The following DAAM2 variants were observed in gnomAD, a reference collection of about 807,000 sequenced individuals.
The protein encoded by DAAM2 is dishevelled associated activator of morphogenesis 2, also known as disheveled-associated activator of morphogenesis 2.
A neutral mutation model predicts 120.7 loss-of-function variants in DAAM2; 39 were observed. The ratio of observed to expected loss-of-function variants is 0.32; its 90% CI spans 0.25 to 0.42. DAAM2 has a LOEUF of 0.42. Ranked by LOEUF, DAAM2 falls within the 10% of genes least tolerant of loss-of-function variation. DAAM2 has a pLI of 1.00. For missense variants in DAAM2, 1,283 were observed against 1,401.7 expected, an observed-to-expected ratio of 0.92 and a Z score of 1.35; for synonymous variants, 488 against 524.9, an observed-to-expected ratio of 0.93 and a Z score of 0.96.
intron 1 of DAAM2, among the ~76,000 whole-genome samples, chr6:39,843,254 A>AT (rs1219983347): frequency 2.0e-5 from 3 of 152,160 alleles, no homozygotes; most frequent in African/African-American, 7.2e-5. Flanking sequence ...GCAATGGTGC[A>AT]TTTAAGGAGG....
chr6:39,816,756 A>G (rs1030987677), intron 1 of DAAM2, among the ~76,000 whole-genome samples: 2 of 152,124 alleles, frequency 1.3e-5, no homozygotes, highest in Non-Finnish European at 2.9e-5. Context: ...AATCATCAAC[A>G]CTTTGTGACT....
intron 1 of DAAM2, among the ~76,000 whole-genome samples, chr6:39,804,552 G>GTGTA (rs751842604): frequency 2.7e-5 from 4 of 150,836 alleles, no homozygotes; most frequent in Admixed American, 2.0e-4. Context: ...GTGTGTGTGT[G>GTGTA]TATGCATGCA....
In DAAM2 at chr6:39,873,359, A is replaced by G; in HGVS notation, c.1162+4A>G. On this transcript the variant is annotated splice_donor_region_variant and intron_variant, in intron 10 of 24. Transcript: ENST00000274867. The stretch of plus-strand genomic sequence containing the variant: ...CACCACTGCCTGCAGATGCCCTGTA[A>G]GTACCCTGCACTTGCTGCTTCCCTC... The G allele has an allele frequency of 6.3e-7, 1 of 1,594,776 alleles. No homozygotes were observed. Among genetic ancestry groups the G allele is most frequent in the Non-Finnish European group, 8.6e-7 (1 of 1,163,746 alleles).
chr6:39,799,905 T>C (rs1761809873), intron 1 of DAAM2, among the ~76,000 whole-genome samples: 1 of 152,230 alleles, frequency 6.6e-6, no homozygotes, highest in African/African-American at 2.4e-5. Flanking sequence ...TACTGGTGTG[T>C]ATACAGGATG....
At chr6:39,828,319 TG>T (rs1762751333) in intron 1 of DAAM2, among the ~76,000 whole-genome samples, 1 of 152,012 alleles carries the variant, frequency 6.6e-6, no homozygotes, top group Admixed American at 6.5e-5. Context: ...GCTCCTAAGG[TG>T]GTGTTTTGTT....
At position 39,901,798 on chromosome 6, in the gene DAAM2, GC is replaced by G. The variant is rs748162304; in HGVS notation, c.2983-9del. 23 of 1,512,572 alleles carry G rather than the reference GC, an allele frequency of 1.5e-5. No individual in the cohort carries two copies. The highest frequency in any genetic ancestry group is 5.3e-5 in the South Asian group (4 of 76,106). 93.7% of individuals were successfully genotyped at this position (1,512,572 alleles called of 1,614,324 possible). ...CTCCCTGAGAGGGTTCCTATCTTTG[GC>G]CCCCCGCCCGCAGCTGAAGGAGCAG... On this transcript the variant is annotated splice_polypyrimidine_tract_variant and intron_variant, in intron 24 of 24. Coordinates refer to ENST00000274867, the MANE Select transcript of DAAM2 (RefSeq NM_001201427.2). The surrounding 1 kb of genome is among the most constrained non-coding windows in gnomAD (Gnocchi z 4.5).
chr6:39,806,084 G>A (rs1431876481), intron 1 of DAAM2, among the ~76,000 whole-genome samples: 5 of 152,128 alleles, frequency 3.3e-5, no homozygotes, highest in Admixed American at 6.5e-5. Context: ...AGAGACAGGG[G>A]ACATATAGAT....
Position 39,808,795 on chromosome 6 carries a change from A to G in DAAM2, c.-57+16330A>G, listed in dbSNP as rs139849215. Among the ~76,000 whole-genome samples, 922 of 152,244 alleles carry G rather than the reference A, an allele frequency of 6.1e-3. 14 individuals are homozygous for G. The highest frequency in any genetic ancestry group is 8.7e-3 in the Non-Finnish European group (589 of 68,000). On this transcript the variant is annotated intron_variant, in intron 1 of 24. Transcript: ENST00000274867. ...TCAGTTCAGCAGCAGTGAACCCCTTATCGGGTTGGCGTGGTGCTTGCACTG... is the reference window on the plus strand; with the variant it reads ...TCAGTTCAGCAGCAGTGAACCCCTTGTCGGGTTGGCGTGGTGCTTGCACTG...
chr6:39,816,445 T>C (rs1380008688), intron 1 of DAAM2, among the ~76,000 whole-genome samples: 2 of 152,188 alleles, frequency 1.3e-5, no homozygotes, highest in African/African-American at 4.8e-5. Context: ...AGGAGGCTTA[T>C]TAACACCCCG....
intron 11 of DAAM2, 32 bp downstream of exon 11, chr6:39,875,500 C>A: frequency 6.3e-7 from 1 of 1,598,718 alleles, no homozygotes; most frequent in Non-Finnish European, 8.5e-7. Flanking sequence ...CCCTGTCTTC[C>A]TCCACCTTCC....
Position 39,870,411 on chromosome 6 carries a change from G to A in DAAM2, c.945G>A (p.Lys315=). The A allele has an allele frequency of 6.3e-7, 1 of 1,584,884 alleles. No homozygotes were observed. Among genetic ancestry groups the A allele is most frequent in the Non-Finnish European group, 8.6e-7 (1 of 1,164,252 alleles). ...TGGGTATACAGCCTGTGATTGACAA[G>A]CTCCGGCAACATGAAAATGCCATCC... ...LMLGIQPVID[K]LRQHENAILD... The change falls in exon 8 of 25, where the codon AAG becomes AAA. Residue 315 remains lysine (K), a synonymous_variant. Coordinates refer to ENST00000274867, the MANE Select transcript of DAAM2 (RefSeq NM_001201427.2).
At chr6:39,861,418 A>G (rs1187586772) in intron 3 of DAAM2, 1 of 348,214 alleles carries the variant, frequency 2.9e-6, no homozygotes. Context: ...TTTAGTCTCC[A>G]CTCTGTCCCA....
intron 1 of DAAM2, among the ~76,000 whole-genome samples, chr6:39,794,120 G>C (rs1253423589): frequency 1.3e-5 from 2 of 152,168 alleles, no homozygotes; most frequent in African/African-American, 2.4e-5. Flanking sequence ...TCAGGAGTAC[G>C]TTGTCAACTG....
chr6:39,892,553 A>T (rs535375116), intron 19 of DAAM2, among the ~76,000 whole-genome samples: 2 of 152,050 alleles, frequency 1.3e-5, no homozygotes, highest in South Asian at 4.1e-4. Flanking sequence ...GGAGGTCAGG[A>T]CGGTGGGCAG....
At chr6:39,877,675 T>C (rs1764925797) in intron 11 of DAAM2, among the ~76,000 whole-genome samples, 1 of 152,198 alleles carries the variant, frequency 6.6e-6, no homozygotes, top group Non-Finnish European at 1.5e-5. Context: ...TTGAACACAG[T>C]TTCAAGAGCT....
At chr6:39,899,175 G>A (rs1439264755) in intron 22 of DAAM2, among the ~76,000 whole-genome samples, 1 of 152,184 alleles carries the variant, frequency 6.6e-6, no homozygotes, top group African/African-American at 2.4e-5. Flanking sequence ...CAGTGGAGTG[G>A]AATGAACCAT....
chr6:39,842,107 T>TG (rs1763363056), intron 1 of DAAM2, among the ~76,000 whole-genome samples: 1 of 152,178 alleles, frequency 6.6e-6, no homozygotes, highest in Non-Finnish European at 1.5e-5. Flanking sequence ...GGCCAAGGCC[T>TG]GGATGCCTTC....
intron 1 of DAAM2, among the ~76,000 whole-genome samples, chr6:39,833,803 A>G (rs943391492): frequency 6.6e-6 from 1 of 152,194 alleles, no homozygotes; most frequent in African/African-American, 2.4e-5. Flanking sequence ...AAACACTGGC[A>G]TTTTCCAGAG....
At chr6:39,897,014 C>T in intron 20 of DAAM2, 34 bp downstream of exon 20, 2 of 1,586,238 alleles carry the variant, frequency 1.3e-6, no homozygotes, top group Non-Finnish European at 1.7e-6. Flanking sequence ...CTTCCTTGGC[C>T]TCTATCTCAC....
Sources: allele counts gnomAD v4.1 joint callset (sites outside exome capture counted in the v4.1 genomes callset), GRCh38; gene constraint gnomAD v4.1.1; non-coding constraint Gnocchi (gnomAD v3.1); transcripts MANE v1.5; gene names NCBI Gene and HGNC (gene_info 2026-07-23, HGNC 2026-07-21).